CLSTN2: variants seen among roughly 807,000 people sequenced by gnomAD.
CLSTN2 encodes the protein calsyntenin 2, also known as calsyntenin-2.
A neutral mutation model predicts 101.2 loss-of-function variants in CLSTN2; 48 were observed. The ratio of observed to expected loss-of-function variants is 0.47; its 90% CI spans 0.38 to 0.60. The LOEUF (loss-of-function observed/expected upper bound fraction) is 0.60. CLSTN2 is among the 20% of genes least tolerant of loss of function. The pLI is 0.00. For missense variants in CLSTN2, 1,160 were observed against 1,238.2 expected, an observed-to-expected ratio of 0.94 and a Z score of 0.95; for synonymous variants, 481 against 463.6, an observed-to-expected ratio of 1.04 and a Z score of -0.48.
At chr3:140,209,107 A>G (rs1430912510) in intron 2 of CLSTN2, among the ~76,000 whole-genome samples, 1 of 152,150 alleles carries the variant, frequency 6.6e-6, no homozygotes, top group Non-Finnish European at 1.5e-5. Context: ...TGTCTACTCC[A>G]CTCATCTTGC....
intron 8 of CLSTN2, among the ~76,000 whole-genome samples, chr3:140,484,029 C>T (rs1934185312): frequency 1.3e-5 from 2 of 152,058 alleles, no homozygotes; most frequent in Admixed American, 6.6e-5. Context: ...TTATTTTGCT[C>T]GTTAGTTGAT....
chr3:139,991,417 C>T (rs933896268), intron 1 of CLSTN2, among the ~76,000 whole-genome samples: 6 of 152,158 alleles, frequency 3.9e-5, no homozygotes, highest in African/African-American at 1.4e-4. Flanking sequence ...ATTAGAAGTG[C>T]TCTTCCAAAA....
At chr3:140,298,546 T>A (rs1041403390) in intron 2 of CLSTN2, among the ~76,000 whole-genome samples, 6 of 152,184 alleles carry the variant, frequency 3.9e-5, no homozygotes, top group African/African-American at 1.4e-4. Context: ...CTGCTTGTAG[T>A]ATGTCTGGCA....
chr3:140,185,322 A>G (rs2010470235), intron 2 of CLSTN2, among the ~76,000 whole-genome samples: 1 of 152,178 alleles, frequency 6.6e-6, no homozygotes, highest in African/African-American at 2.4e-5. Flanking sequence ...TGAATCAGGA[A>G]AAACAAAAAA....
chr3:140,068,074 C>T (rs1024997243), intron 1 of CLSTN2, among the ~76,000 whole-genome samples: 7 of 152,166 alleles, frequency 4.6e-5, no homozygotes, highest in African/African-American at 1.2e-4. Flanking sequence ...TCCAAATACT[C>T]CTTGGAAGAT....
chr3:140,509,963 A>G (rs2107767278), intron 8 of CLSTN2, among the ~76,000 whole-genome samples: 1 of 152,346 alleles, frequency 6.6e-6, no homozygotes, highest in African/African-American at 2.4e-5. Flanking sequence ...ACCATAAATT[A>G]AAAATGTATT....
At chr3:140,440,988 T>C (rs1221640956) in intron 5 of CLSTN2, among the ~76,000 whole-genome samples, 1 of 152,266 alleles carries the variant, frequency 6.6e-6, no homozygotes, top group African/African-American at 2.4e-5. Flanking sequence ...AGCATGAAAC[T>C]GGTTGCAGAT....
At position 140,472,720 on chromosome 3, in the gene CLSTN2, T is replaced by C. The variant is rs77559701; in HGVS notation, c.1344+5989T>C. Among the ~76,000 whole-genome samples the C allele has an allele frequency of 4.7e-3, 713 of 152,288 alleles. 17 individuals are homozygous for C. The East Asian group carries it at 0.075, about 16-fold the overall frequency. The stretch of plus-strand genomic sequence containing the variant: ...AGAATGTCTTTTTTTTCTCTCTCTC[T>C]TTCAGGCAGAATTCCGAATGACTTT... On this transcript the variant is annotated intron_variant, in intron 8 of 16. Coordinates refer to ENST00000458420, the MANE Select transcript of CLSTN2 (RefSeq NM_022131.3).
intron 2 of CLSTN2, among the ~76,000 whole-genome samples, chr3:140,241,588 C>G (rs1020883796): frequency 6.6e-6 from 1 of 152,036 alleles, no homozygotes; most frequent in Admixed American, 6.6e-5. Context: ...GCACAAGTGA[C>G]TTGACTATGT....
At chr3:140,393,116 A>G (rs1416278804) in intron 2 of CLSTN2, among the ~76,000 whole-genome samples, 1 of 152,176 alleles carries the variant, frequency 6.6e-6, no homozygotes, top group Non-Finnish European at 1.5e-5. Flanking sequence ...ACCTCTCAAC[A>G]CTGCCACATT....
intron 1 of CLSTN2, among the ~76,000 whole-genome samples, chr3:140,100,290 T>C (rs1252529933): frequency 1.3e-5 from 2 of 152,170 alleles, no homozygotes; most frequent in African/African-American, 4.8e-5. Context: ...TTTTCTATTA[T>C]TTCCCTCCTT....
rs150934163 is a variant in CLSTN2 at position 140,280,300 on chromosome 3, A to G, written c.232+104227A>G. ...CCATTAGTAGGATGCTGACTCTGTC[A>G]TTTCGGATCCTGGGTCTTTTTTGTG... is the stretch of plus-strand genomic sequence containing the variant. On this transcript the variant is annotated intron_variant, in intron 2 of 16. Transcript: ENST00000458420. Among the ~76,000 whole-genome samples, 441 of 152,282 alleles carry G rather than the reference A, an allele frequency of 2.9e-3. 2 individuals are homozygous for G. The highest frequency in any genetic ancestry group is 4.5e-3 in the Non-Finnish European group (306 of 68,016).
At chr3:140,452,116 T>C (rs1169195176) in intron 6 of CLSTN2, among the ~76,000 whole-genome samples, 1 of 152,098 alleles carries the variant, frequency 6.6e-6, no homozygotes, top group East Asian at 1.9e-4. Flanking sequence ...GAGCCAGGTA[T>C]CCAGGAGCAA....
chr3:140,046,707 T>G (rs2007888836), intron 1 of CLSTN2, among the ~76,000 whole-genome samples: 1 of 152,224 alleles, frequency 6.6e-6, no homozygotes, highest in Non-Finnish European at 1.5e-5. Context: ...AGGGCAGGCC[T>G]GGTAGTGACA....
intron 2 of CLSTN2, among the ~76,000 whole-genome samples, chr3:140,176,591 C>T (rs1269694935): frequency 6.6e-6 from 1 of 152,224 alleles, no homozygotes; most frequent in East Asian, 1.9e-4. Context: ...GCCATATTTC[C>T]CTCTTGTGGC....
chr3:140,276,276 C>T (rs1037008646), intron 2 of CLSTN2, among the ~76,000 whole-genome samples: 9 of 152,160 alleles, frequency 5.9e-5, no homozygotes, highest in African/African-American at 2.2e-4. Context: ...GCATATGTAT[C>T]CCCTTGGCAT....
chr3:140,225,940 AAT>A (rs1485705960), intron 2 of CLSTN2, among the ~76,000 whole-genome samples: 1 of 152,156 alleles, frequency 6.6e-6, no homozygotes, highest in Non-Finnish European at 1.5e-5. Context: ...ACTCTAAAAG[AAT>A]ATGTTTTCTT....
intron 2 of CLSTN2, among the ~76,000 whole-genome samples, chr3:140,236,604 G>A (rs2086419167): frequency 6.6e-6 from 1 of 151,996 alleles, no homozygotes; most frequent in African/African-American, 2.4e-5. Context: ...TTATATGTAT[G>A]TTAGGCTGCT....
chr3:140,412,142 A>T (rs1043975600), intron 4 of CLSTN2, among the ~76,000 whole-genome samples: 3 of 152,102 alleles, frequency 2.0e-5, no homozygotes, highest in African/African-American at 4.8e-5. Flanking sequence ...CAGCCTCCCG[A>T]GTAGCTGGGA....
Sources: gnomAD v4.1 joint callset for allele counts (sites outside exome capture counted in the v4.1 genomes callset) on GRCh38, gnomAD v4.1.1 for gene constraint, MANE v1.5 for transcripts, NCBI Gene and HGNC (gene_info 2026-07-23, HGNC 2026-07-21) for gene names.